Variants in CSMD1 observed in about 807,000 individuals in gnomAD.
CSMD1 encodes CUB and sushi domain-containing protein 1.
CSMD1 carries 213 observed loss-of-function variants against 417.5 expected under a neutral mutation model. That is an observed-to-expected ratio of 0.51 (90% CI 0.46 to 0.57). The LOEUF is 0.57. Among genes scored for constraint, CSMD1 ranks in the 20% least tolerant of loss-of-function variants. The pLI is 0.00. For missense variants in CSMD1, 6,923 were observed against 4,529.7 expected, an observed-to-expected ratio of 1.53 and a Z score of -15.17; for synonymous variants, 2,862 against 1,736.8, an observed-to-expected ratio of 1.65 and a Z score of -16.11.
chr8:4,913,760 C>T (rs1287693614), intron 1 of CSMD1, among the ~76,000 whole-genome samples: 1 of 152,084 alleles, frequency 6.6e-6, no homozygotes. Flanking sequence ...CCATGTGTTA[C>T]CAGAATTAGG....
intron 2 of CSMD1, among the ~76,000 whole-genome samples, chr8:4,457,284 T>C (rs987172861): frequency 6.6e-6 from 1 of 152,134 alleles, no homozygotes; most frequent in African/African-American, 2.4e-5. Flanking sequence ...ACATATATCA[T>C]TTGAATTGCA....
chr8:3,266,918 G>C (rs1420471675), intron 26 of CSMD1, among the ~76,000 whole-genome samples: 4 of 152,162 alleles, frequency 2.6e-5, no homozygotes, highest in African/African-American at 9.7e-5. Context: ...ATAACTTAGA[G>C]GTCAAGAAAT....
chr8:3,894,104 G>C, intron 5 of CSMD1, among the ~76,000 whole-genome samples: 1 of 152,236 alleles, frequency 6.6e-6, no homozygotes, highest in African/African-American at 2.4e-5. Context: ...ACGGTGTTCC[G>C]TCTATTCTGC....
intron 1 of CSMD1, among the ~76,000 whole-genome samples, chr8:4,949,306 TAA>T (rs148615294): frequency 1.3e-5 from 2 of 151,794 alleles, no homozygotes; most frequent in Admixed American, 6.6e-5. Flanking sequence ...GCTGTTTTGT[TAA>T]AAAAAAGTTA....
intron 1 of CSMD1, among the ~76,000 whole-genome samples, chr8:4,703,313 G>C (rs1584967802): frequency 3.9e-5 from 6 of 152,192 alleles, no homozygotes; most frequent in Admixed American, 6.5e-5. Flanking sequence ...TTCTCAGAAA[G>C]TTTTTCAAAT....
At chr8:3,019,005 C>T (rs1269492656) in intron 51 of CSMD1, among the ~76,000 whole-genome samples, 1 of 152,192 alleles carries the variant, frequency 6.6e-6, no homozygotes, top group East Asian at 1.9e-4. Context: ...GCTACCTCTA[C>T]CTCCCCGGTT....
chr8:3,752,496 A>C (rs1372937176), intron 6 of CSMD1, among the ~76,000 whole-genome samples: 1 of 151,728 alleles, frequency 6.6e-6, no homozygotes, highest in African/African-American at 2.4e-5. Context: ...CTCTACTAAA[A>C]ATACAAAATT....
intron 23 of CSMD1, among the ~76,000 whole-genome samples, chr8:3,311,166 A>G (rs904834915): frequency 1.3e-5 from 2 of 152,352 alleles, no homozygotes; most frequent in Middle Eastern, 3.4e-3. Context: ...ACCTTGGCCT[A>G]TAGTTGTGGA....
chr8:3,300,101 C>T (rs1804271687), intron 25 of CSMD1, among the ~76,000 whole-genome samples: 1 of 152,104 alleles, frequency 6.6e-6, no homozygotes, highest in Admixed American at 6.5e-5. Flanking sequence ...AATTAAGGCA[C>T]ATTCAGGCAA....
chr8:4,490,545 G>C (rs186099763), intron 2 of CSMD1, among the ~76,000 whole-genome samples: 3 of 152,178 alleles, frequency 2.0e-5, no homozygotes, highest in Non-Finnish European at 4.4e-5. Context: ...AACTGTCATA[G>C]ATGCTAAGGA....
intron 1 of CSMD1, among the ~76,000 whole-genome samples, chr8:4,777,397 T>C (rs1441651422): frequency 1.3e-5 from 2 of 152,146 alleles, no homozygotes; most frequent in South Asian, 4.1e-4. Context: ...GAGAGAGATG[T>C]CTCAGGGGGA....
chr8:3,000,722 T>G (rs1202227211), intron 52 of CSMD1, among the ~76,000 whole-genome samples: 3 of 152,192 alleles, frequency 2.0e-5, no homozygotes, highest in Non-Finnish European at 4.4e-5. Flanking sequence ...GGGACAGATG[T>G]GCTGAAGTTA....
intron 65 of CSMD1, among the ~76,000 whole-genome samples, chr8:2,951,990 G>A (rs578025918): frequency 6.6e-6 from 1 of 152,188 alleles, no homozygotes; most frequent in Middle Eastern, 3.4e-3. Flanking sequence ...TCCATCGACA[G>A]GAAAACTTAA....
At chr8:3,743,565 C>A (rs1419952547) in intron 6 of CSMD1, among the ~76,000 whole-genome samples, 1 of 152,114 alleles carries the variant, frequency 6.6e-6, no homozygotes, top group African/African-American at 2.4e-5. Context: ...AATCTTGGGA[C>A]CTCAAACTCA....
chr8:4,291,664 C>A (rs1458879346), intron 3 of CSMD1, among the ~76,000 whole-genome samples: 1 of 152,080 alleles, frequency 6.6e-6, no homozygotes, highest in Non-Finnish European at 1.5e-5. Context: ...ACATTTCCTA[C>A]CAGAAAGATA....
chr8:3,632,898 C>A (rs1318770635), intron 7 of CSMD1, among the ~76,000 whole-genome samples: 1 of 152,166 alleles, frequency 6.6e-6, no homozygotes, highest in African/African-American at 2.4e-5. Flanking sequence ...GAATGGCAGA[C>A]AACAAAATGA....
intron 5 of CSMD1, among the ~76,000 whole-genome samples, chr8:3,981,159 T>C (rs1056421954): frequency 4.6e-5 from 7 of 152,192 alleles, no homozygotes; most frequent in African/African-American, 1.7e-4. Context: ...TTACGCTGCA[T>C]GTACAAGAGA....
At chr8:3,155,695 G>C (rs951887487) in intron 39 of CSMD1, among the ~76,000 whole-genome samples, 1 of 152,116 alleles carries the variant, frequency 6.6e-6, no homozygotes, top group East Asian at 1.9e-4. Context: ...GTCTGTAAAA[G>C]TAGCTCAATG....
intron 4 of CSMD1, among the ~76,000 whole-genome samples, chr8:4,001,165 T>C (rs886197155): frequency 6.6e-6 from 1 of 152,208 alleles, no homozygotes; most frequent in Non-Finnish European, 1.5e-5. Context: ...TTTATGTGCA[T>C]GGTATAGAAT....
Sources: allele counts gnomAD v4.1 joint callset (sites outside exome capture counted in the v4.1 genomes callset), GRCh38; gene constraint gnomAD v4.1.1; transcripts MANE v1.5; gene names NCBI Gene and HGNC (gene_info 2026-07-23, HGNC 2026-07-21).